Variants in CSMD1 observed in about 807,000 individuals in gnomAD.
CSMD1 encodes the protein CUB and Sushi multiple domains 1.
Under a neutral mutation model 417.5 loss-of-function variants are expected in CSMD1, and 213 were observed. The ratio of observed to expected loss-of-function variants is 0.51; its 90% CI spans 0.46 to 0.57. The LOEUF (loss-of-function observed/expected upper bound fraction) is 0.57, where lower values mean the gene tolerates loss of function less well. Among genes scored for constraint, CSMD1 ranks in the 20% least tolerant of loss-of-function variants. The probability of loss-of-function intolerance (pLI) is 0.00; values close to 1 mark genes in which losing one functional copy is unlikely to be tolerated. For missense variants in CSMD1, 6,923 were observed against 4,529.7 expected, an observed-to-expected ratio of 1.53 and a Z score of -15.17; for synonymous variants, 2,862 against 1,736.8, an observed-to-expected ratio of 1.65 and a Z score of -16.11.
intron 5 of CSMD1, among the ~76,000 whole-genome samples, chr8:3,806,526 G>C (rs537541962): frequency 2.4e-4 from 37 of 152,204 alleles, no homozygotes; most frequent in African/African-American, 8.2e-4. Context: ...TGTGCTTTGA[G>C]GCATATTCAC....
At chr8:4,393,736 T>C (rs1368056336) in intron 3 of CSMD1, among the ~76,000 whole-genome samples, 1 of 152,192 alleles carries the variant, frequency 6.6e-6, no homozygotes, top group Non-Finnish European at 1.5e-5. Flanking sequence ...CTCTGATCCA[T>C]TTGCCTTCAG....
intron 1 of CSMD1, among the ~76,000 whole-genome samples, chr8:4,846,295 A>G (rs553575278): frequency 1.8e-4 from 28 of 152,276 alleles, no homozygotes; most frequent in Non-Finnish European, 3.7e-4. Context: ...TGTTATTTCC[A>G]TGTATACCTT....
intron 12 of CSMD1, among the ~76,000 whole-genome samples, chr8:3,437,922 G>T (rs951688224): frequency 5.3e-5 from 8 of 152,030 alleles, no homozygotes; most frequent in African/African-American, 1.9e-4. Context: ...TAATTCTTTA[G>T]TAGAGACAGG....
intron 4 of CSMD1, among the ~76,000 whole-genome samples, chr8:4,014,197 T>A (rs1317066619): frequency 6.6e-6 from 1 of 152,126 alleles, no homozygotes; most frequent in Non-Finnish European, 1.5e-5. Flanking sequence ...TTGCAAAGCA[T>A]AAACAACATT....
chr8:3,266,784 CA>C (rs10595372), intron 26 of CSMD1, among the ~76,000 whole-genome samples: 43,486 of 131,382 alleles, frequency 0.33, 6,521 homozygotes, highest in Admixed American at 0.36. Context: ...TAAAAAAAAT[CA>C]AAAAAAAAAA....
chr8:2,941,577 A>C (rs924174152), intron 69 of CSMD1, among the ~76,000 whole-genome samples: 4 of 152,206 alleles, frequency 2.6e-5, no homozygotes, highest in Non-Finnish European at 4.4e-5. Flanking sequence ...AGTTCCTCCA[A>C]AATAATTCTT....
chr8:4,249,727 T>G (rs1802937980), intron 3 of CSMD1, among the ~76,000 whole-genome samples: 1 of 152,150 alleles, frequency 6.6e-6, no homozygotes. Context: ...TCAGCAGAAG[T>G]AGCTCAGTAC....
chr8:4,453,824 T>A (rs1395999628), intron 2 of CSMD1, among the ~76,000 whole-genome samples: 4 of 128,972 alleles, frequency 3.1e-5, no homozygotes, highest in African/African-American at 1.2e-4. Flanking sequence ...CTTTTTTTTT[T>A]TTTTTTTTTT....
chr8:4,792,089 T>C (rs1457181), intron 1 of CSMD1, among the ~76,000 whole-genome samples: 53,358 of 152,036 alleles, frequency 0.35, 10,585 homozygotes, highest in Admixed American at 0.51. Flanking sequence ...ATTCTTTCTA[T>C]ATGGAGATCC....
At chr8:3,800,836 T>A (rs941585270) in intron 5 of CSMD1, among the ~76,000 whole-genome samples, 1 of 152,124 alleles carries the variant, frequency 6.6e-6, no homozygotes, top group Non-Finnish European at 1.5e-5. Context: ...TCATCATGTT[T>A]TGACACAGCA....
At position 4,076,954 on chromosome 8, in the gene CSMD1, C is replaced by A. The variant is rs1185739202; in HGVS notation, c.416-44855G>T. On this transcript the variant is annotated intron_variant, in intron 3 of 69. Transcript: ENST00000635120. ...GTAAAAAAATCTTACACAAGGATAA[C>A]ACTTTCCTCTGAATTATATCATCAG... is the stretch of plus-strand genomic sequence containing the variant. Among the ~76,000 whole-genome samples, 7 of 152,264 alleles carry A rather than the reference C, an allele frequency of 4.6e-5. No homozygotes were observed. The East Asian group carries it at 1.4e-3, about 29-fold the overall frequency.
intron 3 of CSMD1, among the ~76,000 whole-genome samples, chr8:4,039,757 G>T (rs537089830): frequency 6.6e-6 from 1 of 152,186 alleles, no homozygotes; most frequent in African/African-American, 2.4e-5. Context: ...TGATGTGGGG[G>T]AAGTCGTTGT....
At chr8:3,704,179 T>G (rs1801032801) in intron 7 of CSMD1, among the ~76,000 whole-genome samples, 1 of 152,260 alleles carries the variant, frequency 6.6e-6, no homozygotes, top group South Asian at 2.1e-4. Flanking sequence ...GAAGGCTGGT[T>G]GTTGGAGATG....
intron 5 of CSMD1, among the ~76,000 whole-genome samples, chr8:3,792,904 G>T (rs1218381050): frequency 6.6e-6 from 1 of 152,166 alleles, no homozygotes; most frequent in African/African-American, 2.4e-5. Context: ...ACCTACCTGA[G>T]ATTTACCGTT....
intron 3 of CSMD1, among the ~76,000 whole-genome samples, chr8:4,237,534 C>CTT (rs11433104): frequency 1.2e-3 from 185 of 149,356 alleles, no homozygotes; most frequent in Middle Eastern, 3.4e-3. Flanking sequence ...GTCAATACTA[C>CTT]TTTTTTTTTT....
At chr8:4,958,856 A>G (rs1210354752) in intron 1 of CSMD1, among the ~76,000 whole-genome samples, 7 of 152,210 alleles carry the variant, frequency 4.6e-5, no homozygotes, top group African/African-American at 1.7e-4. Flanking sequence ...CCTTTAGTCA[A>G]AGAAAGCAGG....
In CSMD1 at chr8:3,804,980, T is replaced by C. The variant is rs144210402; in HGVS notation, c.819-50938A>G. On this transcript the variant is annotated intron_variant, in intron 5 of 69. Coordinates refer to ENST00000635120, the MANE Select transcript of CSMD1 (RefSeq NM_033225.6). ...TGTGGCCAGAGAAGCAATTGTTCGT[T>C]CCACTTTCACAGTTCACTTCTTCTG... Among the ~76,000 whole-genome samples, 396 of 152,284 alleles carry C rather than the reference T, an allele frequency of 2.6e-3. 1 individual carries two copies. The highest frequency in any genetic ancestry group is 7.8e-3 in the African/African-American group (324 of 41,568).
chr8:4,759,842 T>A (rs566201498), intron 1 of CSMD1, among the ~76,000 whole-genome samples: 1 of 152,350 alleles, frequency 6.6e-6, no homozygotes, highest in African/African-American at 2.4e-5. Context: ...TTCCATGTGT[T>A]TGCTATTGTG....
intron 1 of CSMD1, among the ~76,000 whole-genome samples, chr8:4,946,274 A>G (rs1018285533): frequency 6.6e-6 from 1 of 152,200 alleles, no homozygotes; most frequent in African/African-American, 2.4e-5. Context: ...TGTGAGATGA[A>G]GAAAGCTTTT....
Sources: allele counts gnomAD v4.1 joint callset (sites outside exome capture counted in the v4.1 genomes callset), GRCh38; gene constraint gnomAD v4.1.1; transcripts MANE v1.5; gene names NCBI Gene and HGNC (gene_info 2026-07-23, HGNC 2026-07-21).